Variants in KLHL8 observed in about 807,000 individuals in gnomAD.
KLHL8 encodes the protein kelch-like protein 8.
A neutral mutation model predicts 63.5 loss-of-function variants in KLHL8; 38 were observed. That is an observed-to-expected ratio of 0.60 (90% CI 0.46 to 0.78). KLHL8 has a LOEUF of 0.78. Ranked by LOEUF, KLHL8 falls within the 30% of genes least tolerant of loss-of-function variation. The pLI is 0.00. For missense variants in KLHL8, 566 were observed against 752.4 expected, an observed-to-expected ratio of 0.75 and a Z score of 2.90; for synonymous variants, 224 against 254.3, an observed-to-expected ratio of 0.88 and a Z score of 1.13.
chr4:87,201,821 T>C (rs931139228), intron 1 of KLHL8, among the ~76,000 whole-genome samples: 3 of 152,190 alleles, frequency 2.0e-5, no homozygotes, highest in Non-Finnish European at 2.9e-5. Context: ...AATTTCTTCA[T>C]TAAGTTAGTT....
At chr4:87,213,811 C>A (rs749379387) in intron 1 of KLHL8, among the ~76,000 whole-genome samples, 1 of 152,104 alleles carries the variant, frequency 6.6e-6, no homozygotes, top group Admixed American at 6.5e-5. Flanking sequence ...TGTTGCCTTG[C>A]TTTTGAGAGA....
intron 1 of KLHL8, among the ~76,000 whole-genome samples, chr4:87,198,839 T>C (rs1731802371): frequency 6.6e-6 from 1 of 152,254 alleles, no homozygotes. Flanking sequence ...CCATGTTCAC[T>C]GTGGCATTAT....
At chr4:87,237,556 C>T (rs1733253538) in intron 1 of KLHL8, among the ~76,000 whole-genome samples, 1 of 152,190 alleles carries the variant, frequency 6.6e-6, no homozygotes, top group Non-Finnish European at 1.5e-5. Context: ...TAGCCAGGCA[C>T]AGTGGCTCAC....
intron 8 of KLHL8, among the ~76,000 whole-genome samples, chr4:87,169,592 T>A (rs1730556975): frequency 6.6e-6 from 1 of 152,232 alleles, no homozygotes; most frequent in Non-Finnish European, 1.5e-5. Flanking sequence ...CTAGGCATGA[T>A]GGCCCATGCC....
chr4:87,209,288 AG>A (rs1732290889), intron 1 of KLHL8, among the ~76,000 whole-genome samples: 1 of 152,190 alleles, frequency 6.6e-6, no homozygotes, highest in African/African-American at 2.4e-5. Flanking sequence ...AACAACAGAG[AG>A]GAAAAAAATG....
At chr4:87,205,121 G>C (rs770625518) in intron 1 of KLHL8, among the ~76,000 whole-genome samples, 6 of 152,108 alleles carry the variant, frequency 3.9e-5, no homozygotes, top group Non-Finnish European at 7.4e-5. Context: ...AAAATATAAA[G>C]GCTGGCCAGA....
chr4:87,232,900 GT>G (rs954373089), intron 1 of KLHL8, among the ~76,000 whole-genome samples: 18 of 150,604 alleles, frequency 1.2e-4, no homozygotes, highest in African/African-American at 4.1e-4. Flanking sequence ...TTTCCAATTA[GT>G]TTTTTTTAGG....
At chr4:87,209,963 C>T (rs576145658) in intron 1 of KLHL8, among the ~76,000 whole-genome samples, 2 of 151,700 alleles carry the variant, frequency 1.3e-5, no homozygotes, top group African/African-American at 4.8e-5. Flanking sequence ...AAGCCATCCT[C>T]CCACCTCAGC....
At position 87,172,633 on chromosome 4, in the gene KLHL8, C is replaced by T. The variant is rs75884225; in HGVS notation, c.1209-2018G>A. Among the ~76,000 whole-genome samples the T allele has an allele frequency of 5.8e-3, 887 of 152,310 alleles. 1 individual carries two copies. Among genetic ancestry groups the T allele is most frequent in the East Asian group, 0.02 (104 of 5,180 alleles). On this transcript the variant is annotated intron_variant, in intron 6 of 9. Transcript: ENST00000273963. The stretch of plus-strand genomic sequence containing the variant: ...AACCGAAGAATCATCTTTGCCTCTA[C>T]CTAACTGTTCTTTCTAATTATCATA...
chr4:87,195,377 C>T lies in KLHL8; in HGVS notation c.163G>A (p.Gly55Ser). 5 of 1,613,440 alleles carry T rather than the reference C, an allele frequency of 3.1e-6. No individual in the cohort carries two copies. The highest frequency in any genetic ancestry group is 4.2e-6 in the Non-Finnish European group (5 of 1,179,896). ...EANEAWKDFH[G>S]SLLRFYENGE... ...TTTTCATAAAATCGAAGAAGAGAACCATGAAAATCTTTCCAAGCTTCATTT... is the reference window on the plus strand; with the variant it reads ...TTTTCATAAAATCGAAGAAGAGAACTATGAAAATCTTTCCAAGCTTCATTT... Residue 55 changes from glycine to serine, a missense_variant, in exon 2 of 10, where the codon GGT becomes AGT. Gly to Ser is a moderately conservative substitution (Grantham distance 56, BLOSUM62 0). Transcript: ENST00000273963.
intron 4 of KLHL8, among the ~76,000 whole-genome samples, chr4:87,179,841 TA>T (rs1253746575): frequency 1.3e-3 from 184 of 145,962 alleles, no homozygotes; most frequent in South Asian, 2.0e-3. Flanking sequence ...TTACCACAAT[TA>T]AAAAAAAAAA....
chr4:87,166,615 T>C (rs1390251222), intron 8 of KLHL8, among the ~76,000 whole-genome samples: 2 of 152,232 alleles, frequency 1.3e-5, no homozygotes, highest in Non-Finnish European at 2.9e-5. Context: ...TGTGTGAACC[T>C]GAAACTGCAT....
intron 1 of KLHL8, among the ~76,000 whole-genome samples, chr4:87,232,540 G>A (rs1733153665): frequency 1.3e-5 from 2 of 152,230 alleles, no homozygotes; most frequent in South Asian, 4.1e-4. Context: ...TTCTCCAGAA[G>A]TGGAATTGCT....
chr4:87,239,406 T>C (rs1257803075), intron 1 of KLHL8, among the ~76,000 whole-genome samples: 1 of 152,200 alleles, frequency 6.6e-6, no homozygotes, highest in East Asian at 1.9e-4. Context: ...TGATGTGTAA[T>C]ACAGACTTGG....
intron 6 of KLHL8, among the ~76,000 whole-genome samples, chr4:87,173,571 G>A (rs1470027329): frequency 6.6e-6 from 1 of 152,120 alleles, no homozygotes; most frequent in African/African-American, 2.4e-5. Context: ...AAAATGTATT[G>A]AAATGCCAAA....
chr4:87,227,164 AAGG>A (rs750220164), intron 1 of KLHL8, among the ~76,000 whole-genome samples: 61 of 150,996 alleles, frequency 4.0e-4, no homozygotes, highest in Non-Finnish European at 8.1e-4. Flanking sequence ...TCTTCTTTAG[AAGG>A]AGAACTCCAA....
chr4:87,213,665 G>GC (rs1732489490), intron 1 of KLHL8, among the ~76,000 whole-genome samples: 1 of 152,168 alleles, frequency 6.6e-6, no homozygotes, highest in African/African-American at 2.4e-5. Context: ...AAAGAACACA[G>GC]CATGGCTGTG....
chr4:87,224,029 A>T (rs573655023), upstream of KLHL8, among the ~76,000 whole-genome samples: 53 of 152,186 alleles, frequency 3.5e-4, 2 homozygotes, highest in South Asian at 0.011. Flanking sequence ...TCAGAAAAAA[A>T]TTGCAATATT....
intron 1 of KLHL8, among the ~76,000 whole-genome samples, chr4:87,218,464 G>A (rs1470889713): frequency 1.3e-5 from 2 of 152,020 alleles, no homozygotes; most frequent in Non-Finnish European, 2.9e-5. Flanking sequence ...TGATCCGCCC[G>A]CCTCGGCCTC....
Sources: gnomAD v4.1 joint callset for allele counts (sites outside exome capture counted in the v4.1 genomes callset) on GRCh38, gnomAD v4.1.1 for gene constraint, MANE v1.5 for transcripts, NCBI Gene and HGNC (gene_info 2026-07-23, HGNC 2026-07-21) for gene names.